NCOA3: variants seen among roughly 807,000 people sequenced by gnomAD.
NCOA3 encodes CBP-interacting protein.
NCOA3 carries 51 observed loss-of-function variants against 158.8 expected under a neutral mutation model. That is an observed-to-expected ratio of 0.32 (90% CI 0.26 to 0.41). The LOEUF is 0.41. Ranked by LOEUF, NCOA3 falls within the 10% of genes least tolerant of loss-of-function variation. The pLI, the probability that NCOA3 is intolerant of heterozygous loss-of-function variation, is 1.00. For synonymous variants in NCOA3, 537 were observed against 592.4 expected (o/e 0.91, Z 1.36); for missense variants, 1,510 against 1,746.6 (o/e 0.86, Z 2.41).
At chr20:47,644,590 A>G (rs769767935) in intron 17 of NCOA3, among the ~76,000 whole-genome samples, 1 of 152,236 alleles carries the variant, frequency 6.6e-6, no homozygotes, top group Non-Finnish European at 1.5e-5. Context: ...GTGAGACATT[A>G]AGAAGCTGAT....
At chr20:47,588,668 T>G (rs564683035) in intron 2 of NCOA3, among the ~76,000 whole-genome samples, 1 of 152,322 alleles carries the variant, frequency 6.6e-6, no homozygotes, top group South Asian at 2.1e-4. Flanking sequence ...GGTAACCAAC[T>G]TAAATGTTTT....
intron 2 of NCOA3, among the ~76,000 whole-genome samples, chr20:47,621,934 C>G (rs2086247917): frequency 6.6e-6 from 1 of 152,088 alleles, no homozygotes; most frequent in Non-Finnish European, 1.5e-5. Flanking sequence ...GCCTCGACCT[C>G]CCAAAGTGCT....
At chr20:47,650,129 TCTTA>T (rs2086758146) in intron 19 of NCOA3, among the ~76,000 whole-genome samples, 3 of 152,072 alleles carry the variant, frequency 2.0e-5, no homozygotes, top group Non-Finnish European at 4.4e-5. Context: ...CTAAATGTTT[TCTTA>T]CTTTGTGGAA....
chr20:47,601,685 C>A (rs2146261197), intron 2 of NCOA3, among the ~76,000 whole-genome samples: 1 of 152,246 alleles, frequency 6.6e-6, no homozygotes, highest in East Asian at 1.9e-4. Flanking sequence ...TTGGAGTATG[C>A]TTTTGAATCT....
chr20:47,628,836 A>G (rs1057463017), intron 8 of NCOA3: 10 of 152,210 alleles, frequency 6.6e-5, no homozygotes, highest in African/African-American at 2.2e-4. Flanking sequence ...CTGTGGCAAT[A>G]TTATTTTTAT....
intron 2 of NCOA3, among the ~76,000 whole-genome samples, chr20:47,606,472 C>G (rs1312100162): frequency 3.3e-5 from 5 of 151,898 alleles, no homozygotes; most frequent in Admixed American, 3.3e-4. Flanking sequence ...CTGCCAGGAG[C>G]TCATAAAGAA....
chr20:47,527,518 C>T (rs1483528080), intron 1 of NCOA3, among the ~76,000 whole-genome samples: 2 of 152,104 alleles, frequency 1.3e-5, no homozygotes, highest in East Asian at 3.9e-4. Context: ...TACATATGGG[C>T]AGTTTGTTTA....
chr20:47,627,859 C>T, intron 7 of NCOA3, 63 bp from the exon 8 acceptor site: 1 of 1,574,280 alleles, frequency 6.4e-7, no homozygotes, highest in South Asian at 1.1e-5. Flanking sequence ...CTTTGCTTGC[C>T]TATTGAACAT....
intron 2 of NCOA3, among the ~76,000 whole-genome samples, chr20:47,584,305 G>A (rs1351904861): frequency 6.6e-6 from 1 of 151,892 alleles, no homozygotes; most frequent in Non-Finnish European, 1.5e-5. Context: ...TAGAAAATAA[G>A]TAAATAAATA....
Position 47,647,362 on chromosome 20 carries a change from A to G in NCOA3, c.3542A>G (p.Gln1181Arg). 1 of 1,613,600 alleles carries G rather than the reference A, an allele frequency of 6.2e-7. No homozygotes were observed. Among genetic ancestry groups the G allele is most frequent in the Non-Finnish European group, 8.5e-7 (1 of 1,179,630 alleles). The change falls in exon 18 of 23, where the codon CAG becomes CGG. Residue 1181 changes from glutamine (Q) to arginine (R), a missense_variant. Physicochemically the swap from Gln to Arg is conservative, Grantham distance 43. This residue lies in a region of NCOA3 where 1,017 missense variants were observed against 1,098.3 expected (regional missense o/e 0.93). Coordinates refer to ENST00000371998, the MANE Select transcript of NCOA3 (RefSeq NM_181659.3). ...CAGCTTCAGCAGAGGCTGCAGGGCCAGCAGGTAACCAGTCATGTGTTCTTC... is the reference window on the plus strand; with the variant it reads ...CAGCTTCAGCAGAGGCTGCAGGGCCGGCAGGTAACCAGTCATGTGTTCTTC... ...RMQLQQRLQG[Q>R]QFLNQSRQAL...
At chr20:47,562,666 C>T (rs1302630653) in intron 1 of NCOA3, among the ~76,000 whole-genome samples, 1 of 152,006 alleles carries the variant, frequency 6.6e-6, no homozygotes, top group Non-Finnish European at 1.5e-5. Context: ...TAAATCACAA[C>T]TGTACCATAT....
intron 1 of NCOA3, among the ~76,000 whole-genome samples, chr20:47,524,875 A>G (rs1474817697): frequency 6.6e-6 from 1 of 152,148 alleles, no homozygotes; most frequent in Non-Finnish European, 1.5e-5. Flanking sequence ...GATTACAGGC[A>G]TGTACTACCA....
intron 3 of NCOA3, among the ~76,000 whole-genome samples, chr20:47,623,561 G>T (rs1180612320): frequency 6.6e-6 from 1 of 152,176 alleles, no homozygotes; most frequent in African/African-American, 2.4e-5. Context: ...GCCAGGGTGG[G>T]TGGATTACCT....
At chr20:47,570,939 TACACACACAC>T (rs71183265) in intron 1 of NCOA3, among the ~76,000 whole-genome samples, 5 of 114,872 alleles carry the variant, frequency 4.4e-5, no homozygotes, top group Admixed American at 1.7e-4. Flanking sequence ...GTAATATATA[TACACACACAC>T]ACACACACAC....
chr20:47,656,774 G>A lies in NCOA3; in HGVS notation c.*3357G>A, dbSNP rs1434684408. On this transcript the variant is annotated 3_prime_UTR_variant, in exon 23 of 23. Transcript: ENST00000371998. ...TAGAAATTATTCTTTATCTTGCAAA[G>A]AATTGAAACCACATGAAATGACTTA... 2.0e-5 allele frequency: 3 copies of A among 152,268 alleles called. No homozygotes were observed. Among genetic ancestry groups the A allele is most frequent in the East Asian group, 3.9e-4 (2 of 5,172 alleles). 9.4% of individuals were successfully genotyped at this position (152,268 alleles called of 1,614,324 possible).
At chr20:47,583,065 A>C (rs151313902) in intron 1 of NCOA3, 118 bp from the exon 2 acceptor site, 104 of 393,000 alleles carry the variant, frequency 2.6e-4, no homozygotes, top group African/African-American at 2.0e-3. Flanking sequence ...AAGTGCTGGG[A>C]TTACAGGCGT....
intron 1 of NCOA3, among the ~76,000 whole-genome samples, chr20:47,549,798 T>G (rs564725841): frequency 3.9e-5 from 6 of 152,192 alleles, no homozygotes; most frequent in African/African-American, 1.4e-4. Flanking sequence ...CCTCCCAGGC[T>G]CAAGAAATCC....
chr20:47,624,903 G>A (rs2086297316), intron 4 of NCOA3, among the ~76,000 whole-genome samples: 1 of 152,124 alleles, frequency 6.6e-6, no homozygotes, highest in African/African-American at 2.4e-5. Flanking sequence ...CTCCCGAGTA[G>A]CTAGGATTAC....
intron 1 of NCOA3, among the ~76,000 whole-genome samples, chr20:47,530,654 A>G (rs1366724667): frequency 1.3e-5 from 2 of 151,864 alleles, no homozygotes; most frequent in Non-Finnish European, 2.9e-5. Context: ...TAGTAGAGAC[A>G]AGGTTTCACC....
Sources: allele counts gnomAD v4.1 joint callset (sites outside exome capture counted in the v4.1 genomes callset), GRCh38; gene constraint gnomAD v4.1.1; regional missense constraint gnomAD v4.1.1; transcripts MANE v1.5; gene names NCBI Gene and HGNC (gene_info 2026-07-23, HGNC 2026-07-21).